The following ADARB2 variants were observed in gnomAD, a reference collection of about 807,000 sequenced individuals.
The protein encoded by ADARB2 is adenosine deaminase RNA specific B2 (inactive), also known as inactive double-stranded RNA-specific editase B2.
In ADARB2, 25 loss-of-function variants were observed where a neutral mutation model predicts 62.2. That is an observed-to-expected ratio of 0.40 (90% CI 0.29 to 0.56). The LOEUF (loss-of-function observed/expected upper bound fraction) is 0.56, where lower values mean the gene tolerates loss of function less well. Ranked by LOEUF, ADARB2 falls within the 20% of genes least tolerant of loss-of-function variation. ADARB2 has a pLI of 0.43. For synonymous variants in ADARB2, 572 were observed against 500.8 expected (o/e 1.14, Z -1.90); for missense variants, 1,071 against 1,077.4 (o/e 0.99, Z 0.08).
chr10:1,693,243 C>T (rs1465519275), intron 1 of ADARB2, among the ~76,000 whole-genome samples: 1 of 152,184 alleles, frequency 6.6e-6, no homozygotes, highest in Non-Finnish European at 1.5e-5. Context: ...ACAATCCCTA[C>T]TCAGCGCTTC....
chr10:1,414,204 C>G (rs1007324108), intron 1 of ADARB2, among the ~76,000 whole-genome samples: 1 of 152,220 alleles, frequency 6.6e-6, no homozygotes, highest in African/African-American at 2.4e-5. Flanking sequence ...ATACAGTAAG[C>G]ACTTAGCTGA....
At chr10:1,727,791 G>A (rs1588368774) in intron 1 of ADARB2, among the ~76,000 whole-genome samples, 2 of 152,122 alleles carry the variant, frequency 1.3e-5, no homozygotes, top group African/African-American at 4.8e-5. Flanking sequence ...AGCTCAGGAG[G>A]AAGGGCCGCG....
chr10:1,255,453 G>T lies in ADARB2; in HGVS notation c.1193-13154C>A, dbSNP rs1831071640. ...CCACATAACATACAACACGACAAAG[G>T]CATTGAGAGAGCCCAGAAACCATGC... On this transcript the variant is annotated intron_variant, in intron 4 of 9. Coordinates refer to ENST00000381312, the MANE Select transcript of ADARB2 (RefSeq NM_018702.4). This position sits in a 1 kb window ranked among gnomAD's most constrained non-coding sequence, Gnocchi z 4.7. Among the ~76,000 whole-genome samples, 1 of 152,226 alleles carries T rather than the reference G, an allele frequency of 6.6e-6. No homozygotes were observed. The highest frequency in any genetic ancestry group is 2.4e-5 in the African/African-American group (1 of 41,452).
In ADARB2 at chr10:1,505,382, G is replaced by T. The variant is rs866374419; in HGVS notation, c.101-126222C>A. Among the ~76,000 whole-genome samples the T allele has an allele frequency of 5.9e-3, 820 of 138,604 alleles. 3 individuals are homozygous for T. Among genetic ancestry groups the T allele is most frequent in the African/African-American group, 0.013 (507 of 37,612 alleles). The allele number at this position is 138,604 out of a possible 152,430, so 90.9% of individuals were successfully genotyped here. A position where few individuals can be genotyped will look rare whatever the true frequency, so the allele number is the denominator to read the frequency against. On this transcript the variant is annotated intron_variant, in intron 1 of 9. Transcript: ENST00000381312. ...ACCTGCAAGGGATCGGAGGGTTTTT[G>T]TTTTTTTTTTTTTTGCAACAAATAA...
chr10:1,598,882 G>A (rs925606412), intron 1 of ADARB2, among the ~76,000 whole-genome samples: 3 of 152,242 alleles, frequency 2.0e-5, no homozygotes, highest in Admixed American at 2.0e-4. Context: ...AAGGAGTGAA[G>A]CCCAGGGGAG....
chr10:1,404,674 G>T (rs1410323560), intron 1 of ADARB2, among the ~76,000 whole-genome samples: 1 of 152,172 alleles, frequency 6.6e-6, no homozygotes, highest in Non-Finnish European at 1.5e-5. Flanking sequence ...TCTTAAAGCT[G>T]CTCAGAGACC....
intron 4 of ADARB2, among the ~76,000 whole-genome samples, chr10:1,263,389 T>G (rs1050245581): frequency 1.3e-5 from 2 of 152,236 alleles, no homozygotes; most frequent in Non-Finnish European, 2.9e-5. Context: ...GCTAGTGTCC[T>G]TTATTTTTTC....
rs78696205 is a variant in ADARB2, at chr10:1,327,359, G to A, written c.1077+35669C>T. Among the ~76,000 whole-genome samples the A allele has an allele frequency of 3.9e-4, 2 of 5,120 alleles. 1 individual carries two copies. Among genetic ancestry groups the A allele is most frequent in the Admixed American group, 3.5e-3 (2 of 568 alleles). The allele number at this position is 5,120 out of a possible 152,430, so 3.4% of individuals were successfully genotyped here. A position where few individuals can be genotyped will look rare whatever the true frequency, so the allele number is the denominator to read the frequency against. On this transcript the variant is annotated intron_variant, in intron 3 of 9. Coordinates refer to ENST00000381312, the MANE Select transcript of ADARB2 (RefSeq NM_018702.4). ...TCCTCACTGCACAGCGCCTCCTCAC[G>A]GCCCAGCGCCTCCCCACGGCACAGC...
rs1011558447 is a variant in ADARB2 at position 1,677,850 on chromosome 10, C to T, written c.100+59201G>A. ...GTCCCACCTCCTGCTGAGGGACAGC[C>T]GGCAGGCCAGGCTTCCCTCACTCTC... On this transcript the variant is annotated intron_variant, in intron 1 of 9. Coordinates refer to ENST00000381312, the MANE Select transcript of ADARB2 (RefSeq NM_018702.4). Among the ~76,000 whole-genome samples, 39 of 152,266 alleles carry T rather than the reference C, an allele frequency of 2.6e-4. 1 individual carries two copies. The highest frequency in any genetic ancestry group is 7.5e-4 in the African/African-American group (31 of 41,548).
chr10:1,531,806 C>T (rs1832244885), intron 1 of ADARB2, among the ~76,000 whole-genome samples: 1 of 151,838 alleles, frequency 6.6e-6, no homozygotes, highest in Admixed American at 6.6e-5. Flanking sequence ...CACTGCACTC[C>T]AGCCTGGGTG....
At chr10:1,284,516 C>G (rs565696285) in intron 3 of ADARB2, among the ~76,000 whole-genome samples, 6 of 152,210 alleles carry the variant, frequency 3.9e-5, no homozygotes, top group Non-Finnish European at 8.8e-5. Context: ...CTGCGAGGCT[C>G]TCGATTGAGA....
intron 1 of ADARB2, among the ~76,000 whole-genome samples, chr10:1,406,394 C>A (rs1035579057): frequency 2.6e-5 from 4 of 152,124 alleles, no homozygotes; most frequent in African/African-American, 7.2e-5. Context: ...GGCTCGGTAC[C>A]CGGGAAGGAG....
chr10:1,303,547 A>G (rs573705945), intron 3 of ADARB2, among the ~76,000 whole-genome samples: 7 of 152,238 alleles, frequency 4.6e-5, no homozygotes, highest in East Asian at 1.9e-4. Flanking sequence ...GATACTCCTC[A>G]AGAAGAGCAA....
At chr10:1,334,154 G>A (rs962302869) in intron 3 of ADARB2, among the ~76,000 whole-genome samples, 2 of 152,238 alleles carry the variant, frequency 1.3e-5, no homozygotes, top group Admixed American at 1.3e-4. Flanking sequence ...GTTTCCTGGA[G>A]CAGCGGTACG....
chr10:1,716,156 C>T (rs777679931), intron 1 of ADARB2, among the ~76,000 whole-genome samples: 12 of 152,220 alleles, frequency 7.9e-5, no homozygotes, highest in East Asian at 1.9e-4. Context: ...ACTCCTCGCC[C>T]GACTGCTTAC....
At chr10:1,729,595 G>A (rs1272515011) in intron 1 of ADARB2, among the ~76,000 whole-genome samples, 10 of 152,178 alleles carry the variant, frequency 6.6e-5, no homozygotes, top group Non-Finnish European at 1.5e-4. Context: ...TTAAAGAGAG[G>A]ACATTTTTAT....
At chr10:1,225,096 G>A (rs2131762207) in intron 6 of ADARB2, among the ~76,000 whole-genome samples, 1 of 152,122 alleles carries the variant, frequency 6.6e-6, no homozygotes, top group Non-Finnish European at 1.5e-5. Flanking sequence ...GAATCTGGGT[G>A]CTCCTGTATT....
chr10:1,595,246 G>C (rs943784873), intron 1 of ADARB2, among the ~76,000 whole-genome samples: 8 of 152,240 alleles, frequency 5.3e-5, no homozygotes, highest in African/African-American at 1.9e-4. Context: ...TCAGAGAACA[G>C]ATGATGATTA....
chr10:1,585,362 G>A (rs1833161605), intron 1 of ADARB2, among the ~76,000 whole-genome samples: 1 of 152,092 alleles, frequency 6.6e-6, no homozygotes, highest in African/African-American at 2.4e-5. Context: ...TTTCCATTTG[G>A]TTCCTAAATA....
Sources: gnomAD v4.1 joint callset for allele counts (sites outside exome capture counted in the v4.1 genomes callset) on GRCh38, gnomAD v4.1.1 for gene constraint, Gnocchi (gnomAD v3.1) non-coding constraint, MANE v1.5 for transcripts, NCBI Gene and HGNC (gene_info 2026-07-23, HGNC 2026-07-21) for gene names.